The following RCHY1 variants were observed in gnomAD, a reference collection of about 807,000 sequenced individuals.
RCHY1 encodes the protein RING finger and CHY zinc finger domain-containing protein 1.
RCHY1 carries 21 observed loss-of-function variants against 41.6 expected under a neutral mutation model. That is an observed-to-expected ratio of 0.51 (90% CI 0.36 to 0.73). RCHY1 has a LOEUF of 0.73. Among genes scored for constraint, RCHY1 ranks in the 30% least tolerant of loss-of-function variants. RCHY1 has a pLI of 0.00. For missense variants in RCHY1, 265 were observed against 325.3 expected, an observed-to-expected ratio of 0.81 and a Z score of 1.43; for synonymous variants, 79 against 102.9, an observed-to-expected ratio of 0.77 and a Z score of 1.41.
intron 7 of RCHY1, 194 bp from the exon 8 acceptor site, chr4:75,490,895 A>G: frequency 2.3e-6 from 1 of 440,800 alleles, no homozygotes; most frequent in Non-Finnish European, 4.0e-6. Flanking sequence ...TACTTATTTA[A>G]AACTAAGTCT....
intron 4 of RCHY1, among the ~76,000 whole-genome samples, chr4:75,492,680 A>C (rs1466399373): frequency 6.6e-6 from 1 of 151,962 alleles, no homozygotes; most frequent in African/African-American, 2.4e-5. Context: ...AGACAATAAA[A>C]GATAACTGAA....
At position 75,484,744 on chromosome 4, in the gene RCHY1, T is replaced by C. The variant is rs553902042; in HGVS notation, c.658-2078A>G. On this transcript the variant is annotated intron_variant, in intron 8 of 8. Coordinates refer to ENST00000324439, the MANE Select transcript of RCHY1 (RefSeq NM_015436.4). The stretch of plus-strand genomic sequence containing the variant: ...CATTTTATAGAAGGATAAAATGCCA[T>C]TTGCTTATAGAAATGGCAAAACCTT... Among the ~76,000 whole-genome samples, 7 of 152,230 alleles carry C rather than the reference T, an allele frequency of 4.6e-5. No individual in the cohort carries two copies. The East Asian group carries it at 5.8e-4, about 13-fold the overall frequency.
At chr4:75,514,153 A>G in intron 1 of RCHY1, 44 bp downstream of exon 1, 1 of 1,584,544 alleles carries the variant, frequency 6.3e-7, no homozygotes, top group Non-Finnish European at 8.6e-7. Context: ...CCCCAGCCCA[A>G]CCTGACGGAA....
intron 3 of RCHY1, among the ~76,000 whole-genome samples, chr4:75,501,802 A>C (rs771616228): frequency 2.6e-5 from 4 of 152,176 alleles, no homozygotes; most frequent in African/African-American, 4.8e-5. Flanking sequence ...GAAAAGGCTC[A>C]GTGCGGTGGC....
At chr4:75,488,873 A>G (rs11729929) in intron 8 of RCHY1, among the ~76,000 whole-genome samples, 99,376 of 151,954 alleles carry the variant, frequency 0.65, 33,069 homozygotes, top group African/African-American at 0.78. Context: ...TCAGGAGTTC[A>G]AGACCAGCCT....
chr4:75,489,378 A>C (rs1722543948), intron 8 of RCHY1, among the ~76,000 whole-genome samples: 1 of 152,148 alleles, frequency 6.6e-6, no homozygotes, highest in Non-Finnish European at 1.5e-5. Context: ...CTATTACAGT[A>C]CCTAAAAGGT....
At chr4:75,503,526 C>G (rs1723997399) in intron 3 of RCHY1, among the ~76,000 whole-genome samples, 1 of 152,034 alleles carries the variant, frequency 6.6e-6, no homozygotes, top group Admixed American at 6.5e-5. Context: ...GAAACCTCAT[C>G]TCTACTAAAA....
At position 75,491,801 on chromosome 4, in the gene RCHY1, T is replaced by A. The variant is rs751967556; in HGVS notation, c.451-19A>T. ...GAATGTCCTGTAAATGAAATAAATG[T>A]TAGTGCTTGTATGAAGACAATATAA... On this transcript the variant is annotated intron_variant, in intron 5 of 8. Transcript: ENST00000324439. 6.2e-7 allele frequency: 1 copy of A among 1,611,454 alleles called. No individual in the cohort carries two copies. The highest frequency in any genetic ancestry group is 1.7e-5 in the Admixed American group (1 of 59,848).
intron 8 of RCHY1, among the ~76,000 whole-genome samples, chr4:75,486,321 T>C (rs1343330781): frequency 6.6e-6 from 1 of 152,188 alleles, no homozygotes; most frequent in Admixed American, 6.5e-5. Context: ...TAAAATCTTA[T>C]AGTCATATGT....
At chr4:75,501,170 T>A (rs1268707319) in intron 3 of RCHY1, among the ~76,000 whole-genome samples, 3 of 152,108 alleles carry the variant, frequency 2.0e-5, no homozygotes, top group Non-Finnish European at 4.4e-5. Flanking sequence ...CCACCACGCC[T>A]GGCTAATTTT....
intron 3 of RCHY1, among the ~76,000 whole-genome samples, chr4:75,507,019 G>C (rs1724385620): frequency 6.6e-6 from 1 of 151,874 alleles, no homozygotes; most frequent in Non-Finnish European, 1.5e-5. Context: ...TGTAAACTTA[G>C]AATTCTACAC....
chr4:75,494,387 C>A, intron 3 of RCHY1: 1 of 434,998 alleles, frequency 2.3e-6, no homozygotes. Flanking sequence ...GCTTTTTTTT[C>A]TTTTTCTATA....
intron 3 of RCHY1, among the ~76,000 whole-genome samples, chr4:75,502,879 T>C (rs947463923): frequency 1.3e-5 from 2 of 152,092 alleles, no homozygotes; most frequent in Non-Finnish European, 2.9e-5. Context: ...AAGTATTACA[T>C]CATCTTTCCA....
rs1722657420 is a variant in RCHY1, at chr4:75,490,592, T to C, written c.646A>G (p.Met216Val). ...TTGATTCTACTCACATCCACAGTCA[T>C]GTTCTGATATTCTGATGGCATAGGA... ...QTPMPSEYQN[M>V]TVDILCNDCN... Residue 216 changes from methionine to valine, a missense_variant, in exon 8 of 9, where the codon ATG (methionine) becomes GTG (valine). By Grantham distance (21) the Met-to-Val change is conservative. Transcript: ENST00000324439. 4 of 1,612,374 alleles carry C rather than the reference T, an allele frequency of 2.5e-6. No homozygotes were observed. The highest frequency in any genetic ancestry group is 1.6e-4 in the Middle Eastern group (1 of 6,074).
At chr4:75,494,422 GAC>G (rs1046379049) in intron 3 of RCHY1, 79 of 391,276 alleles carry the variant, frequency 2.0e-4, no homozygotes, top group East Asian at 4.6e-4. Flanking sequence ...GAGAAACACA[GAC>G]ACACACACAC....
chr4:75,496,894 A>G (rs1723257668), intron 3 of RCHY1, among the ~76,000 whole-genome samples: 1 of 152,164 alleles, frequency 6.6e-6, no homozygotes, highest in African/African-American at 2.4e-5. Flanking sequence ...AGAATAATCA[A>G]TCAATCAACC....
At chr4:75,493,462 T>C (rs887244771) in intron 4 of RCHY1, among the ~76,000 whole-genome samples, 1 of 151,338 alleles carries the variant, frequency 6.6e-6, no homozygotes, top group Non-Finnish European at 1.5e-5. Flanking sequence ...TGTCTATCTG[T>C]CTCTCTCTCT....
chr4:75,498,972 AG>A (rs1410638928), intron 3 of RCHY1, among the ~76,000 whole-genome samples: 3 of 152,196 alleles, frequency 2.0e-5, no homozygotes, highest in Non-Finnish European at 4.4e-5. Context: ...TGCACAGCAC[AG>A]GGAAACAAAC....
At chr4:75,490,560 T>G in intron 8 of RCHY1, 21 bp downstream of exon 8, 1 of 1,595,958 alleles carries the variant, frequency 6.3e-7, no homozygotes, top group South Asian at 1.1e-5. Flanking sequence ...CTACAAAGTT[T>G]TAAGTATTGA....
Sources: allele counts gnomAD v4.1 joint callset (sites outside exome capture counted in the v4.1 genomes callset), GRCh38; gene constraint gnomAD v4.1.1; transcripts MANE v1.5; gene names NCBI Gene and HGNC (gene_info 2026-07-23, HGNC 2026-07-21).